MCU: variants seen among roughly 807,000 people sequenced by gnomAD.
The protein encoded by MCU is mitochondrial calcium uniporter.
A neutral mutation model predicts 45.2 loss-of-function variants in MCU; 12 were observed. That is an observed-to-expected ratio of 0.27 (90% CI 0.17 to 0.43). The LOEUF (loss-of-function observed/expected upper bound fraction) is 0.43, where lower values mean the gene tolerates loss of function less well. Among genes scored for constraint, MCU ranks in the 20% least tolerant of loss-of-function variants. The probability of loss-of-function intolerance (pLI) is 1.00; values close to 1 mark genes in which losing one functional copy is unlikely to be tolerated. For synonymous variants in MCU, 160 were observed against 165.1 expected (o/e 0.97, Z 0.24); for missense variants, 324 against 436.7 (o/e 0.74, Z 2.30).
At chr10:72,837,856 G>GTTTT (rs765624802) in intron 2 of MCU, among the ~76,000 whole-genome samples, 1 of 132,022 alleles carries the variant, frequency 7.6e-6, no homozygotes, top group Admixed American at 7.6e-5. Context: ...CCCAATACTG[G>GTTTT]TTTTTTTTTT....
intron 1 of MCU, among the ~76,000 whole-genome samples, chr10:72,816,231 C>T (rs887373429): frequency 2.0e-5 from 3 of 152,098 alleles, no homozygotes; most frequent in African/African-American, 7.2e-5. Context: ...TATGATTCAA[C>T]ACTCATTAAC....
chr10:72,842,121 AC>A (rs1257426160), intron 2 of MCU, among the ~76,000 whole-genome samples: 4 of 152,224 alleles, frequency 2.6e-5, no homozygotes, highest in Non-Finnish European at 5.9e-5. Context: ...TACTAAAAAT[AC>A]AAAAAATTAG....
At chr10:72,867,219 T>C (rs891839344) in intron 4 of MCU, among the ~76,000 whole-genome samples, 1 of 152,020 alleles carries the variant, frequency 6.6e-6, no homozygotes, top group South Asian at 2.1e-4. Flanking sequence ...TAATTCTGAC[T>C]GTGGCTTGTT....
intron 6 of MCU, among the ~76,000 whole-genome samples, chr10:72,875,116 C>A (rs897436043): frequency 6.6e-6 from 1 of 152,168 alleles, no homozygotes; most frequent in African/African-American, 2.4e-5. Flanking sequence ...AACATTATAT[C>A]TAGTACACTG....
chr10:72,724,267 A>G (rs1043513633), intron 1 of MCU, among the ~76,000 whole-genome samples: 1 of 152,342 alleles, frequency 6.6e-6, no homozygotes, highest in Non-Finnish European at 1.5e-5. Context: ...TGCCAATACA[A>G]TGTGGTACTA....
intron 1 of MCU, among the ~76,000 whole-genome samples, chr10:72,810,071 A>G (rs1179839086): frequency 2.0e-5 from 3 of 152,082 alleles, no homozygotes; most frequent in Non-Finnish European, 4.4e-5. Context: ...GACATAGTGT[A>G]GAACTAGACA....
chr10:72,825,406 A>G (rs1425394010), intron 1 of MCU, among the ~76,000 whole-genome samples: 1 of 152,234 alleles, frequency 6.6e-6, no homozygotes, highest in Admixed American at 6.5e-5. Flanking sequence ...AGTGTCAGGC[A>G]TCTTAATCTT....
intron 1 of MCU, among the ~76,000 whole-genome samples, chr10:72,834,028 A>G (rs1844917954): frequency 6.6e-6 from 1 of 152,244 alleles, no homozygotes; most frequent in Non-Finnish European, 1.5e-5. Flanking sequence ...GAGGCCTGGT[A>G]GCACCTAGAA....
chr10:72,804,659 A>G (rs1484957675), intron 1 of MCU, among the ~76,000 whole-genome samples: 1 of 152,334 alleles, frequency 6.6e-6, no homozygotes, highest in East Asian at 1.9e-4. Flanking sequence ...GCAAATTCAC[A>G]TACAGTCACA....
chr10:72,760,194 AC>A (rs1273449948), intron 1 of MCU, among the ~76,000 whole-genome samples: 1 of 152,082 alleles, frequency 6.6e-6, no homozygotes. Flanking sequence ...ACAGGCATAT[AC>A]CATGATGCCG....
rs372935380 is a variant in MCU at position 72,699,333 on chromosome 10, C to T, written c.150+7032C>T. On this transcript the variant is annotated intron_variant, in intron 1 of 7. Transcript: ENST00000373053. The stretch of plus-strand genomic sequence containing the variant: ...CAGCCTGACTAATATGGTGAAACCC[C>T]GTCTCTACTAAAAATACAAAAAAAT... 3.1e-3 allele frequency among the ~76,000 whole-genome samples: 471 copies of T among 151,990 alleles called. 2 individuals carry two copies. Among genetic ancestry groups the T allele is most frequent in the African/African-American group, 0.011 (437 of 41,438 alleles).
intron 1 of MCU, among the ~76,000 whole-genome samples, chr10:72,697,426 ATTTTTTTTTTTT>A (rs1001610262): frequency 6.2e-5 from 4 of 64,126 alleles, no homozygotes; most frequent in African/African-American, 1.4e-4. Context: ...CCAGACTTCT[ATTTTTTTTTTTT>A]TTTTTTTTTT....
At chr10:72,821,309 T>A (rs184190035) in intron 1 of MCU, among the ~76,000 whole-genome samples, 3 of 152,250 alleles carry the variant, frequency 2.0e-5, no homozygotes, top group East Asian at 3.9e-4. Flanking sequence ...GAATGCACCC[T>A]TCATATAAAA....
chr10:72,834,832 G>C lies in MCU; in HGVS notation c.220+404G>C, dbSNP rs572826046. On this transcript the variant is annotated intron_variant, in intron 2 of 7. Coordinates refer to ENST00000373053, the MANE Select transcript of MCU (RefSeq NM_138357.3). ...GCACCACCATGCCCAACTAATTTTTGTATTTTTTGTAGAGACAGGGTTTCA... is the reference window on the plus strand; with the variant it reads ...GCACCACCATGCCCAACTAATTTTTCTATTTTTTGTAGAGACAGGGTTTCA... 2.6e-5 allele frequency among the ~76,000 whole-genome samples: 4 copies of C among 152,098 alleles called. No individual in the cohort carries two copies. The East Asian group carries it at 7.8e-4, about 30-fold the overall frequency.
chr10:72,839,237 A>G (rs368767288), intron 2 of MCU, among the ~76,000 whole-genome samples: 1 of 152,012 alleles, frequency 6.6e-6, no homozygotes, highest in Non-Finnish European at 1.5e-5. Flanking sequence ...TGATCCACCC[A>G]CCTCAGTCTC....
chr10:72,717,207 G>A (rs1253700707), intron 1 of MCU, among the ~76,000 whole-genome samples: 1 of 150,590 alleles, frequency 6.6e-6, no homozygotes, highest in East Asian at 1.9e-4. Context: ...TAAGAGTATC[G>A]GTCTTAATTG....
At chr10:72,749,893 A>G (rs1323938303) in intron 1 of MCU, among the ~76,000 whole-genome samples, 11 of 151,238 alleles carry the variant, frequency 7.3e-5, no homozygotes, top group South Asian at 6.3e-4. Flanking sequence ...CAGCCTCCCA[A>G]GTAGCTGGGA....
chr10:72,727,907 T>A (rs1428796547), intron 1 of MCU, among the ~76,000 whole-genome samples: 3 of 152,012 alleles, frequency 2.0e-5, no homozygotes, highest in African/African-American at 7.3e-5. Flanking sequence ...CAGAATTTTT[T>A]TTTTTTTTTT....
intron 1 of MCU, among the ~76,000 whole-genome samples, chr10:72,830,236 T>C (rs1456062712): frequency 6.6e-6 from 1 of 152,204 alleles, no homozygotes; most frequent in Non-Finnish European, 1.5e-5. Flanking sequence ...ATAAAATTTA[T>C]TTACAAAAAC....
Sources: gnomAD v4.1 joint callset for allele counts (sites outside exome capture counted in the v4.1 genomes callset) on GRCh38, gnomAD v4.1.1 for gene constraint, MANE v1.5 for transcripts, NCBI Gene and HGNC (gene_info 2026-07-23, HGNC 2026-07-21) for gene names.